Variants in MGAT4C observed in about 807,000 individuals in gnomAD.
MGAT4C encodes the protein alpha-1,3-mannosyl-glycoprotein 4-beta-N-acetylglucosaminyltransferase C.
MGAT4C carries 19 observed loss-of-function variants against 40.1 expected under a neutral mutation model. The observed-to-expected ratio is 0.47, with a 90% CI of 0.33 to 0.70. The LOEUF is 0.70. MGAT4C is among the 30% of genes least tolerant of loss of function. The pLI is 0.02. For missense variants in MGAT4C, 491 were observed against 563.2 expected, an observed-to-expected ratio of 0.87 and a Z score of 1.30; for synonymous variants, 181 against 187.1, an observed-to-expected ratio of 0.97 and a Z score of 0.27.
intron 2 of MGAT4C, among the ~76,000 whole-genome samples, chr12:86,489,549 A>G (rs1248899379): frequency 1.3e-5 from 2 of 152,210 alleles, no homozygotes; most frequent in African/African-American, 4.8e-5. Flanking sequence ...CAGACCTAAA[A>G]GAGCATTGTA....
chr12:86,822,809 T>C (rs79938355), intron 1 of MGAT4C, among the ~76,000 whole-genome samples: 3,087 of 151,212 alleles, frequency 0.02, 100 homozygotes, highest in African/African-American at 0.07. Flanking sequence ...ATCAACTAAC[T>C]GGACCTAACA....
intron 2 of MGAT4C, among the ~76,000 whole-genome samples, chr12:86,484,218 C>G (rs1957981400): frequency 6.6e-6 from 1 of 152,096 alleles, no homozygotes; most frequent in African/African-American, 2.4e-5. Context: ...CTTCTGTGTT[C>G]TGAGGTAGCT....
In MGAT4C at chr12:85,980,330, C is replaced by T. The variant is rs775693691; in HGVS notation, c.396G>A (p.Leu132=). ...SIFEQSSYEE[L]KEISVVVHLA... ...GGTGAACCACCACTGAAATTTCCTT[C>T]AGCTCTTCATAGCTGGATTGCTCAA... Residue 132 remains leucine, a synonymous_variant, in exon 5 of 5, where the codon CTG becomes CTA. Transcript: ENST00000611864. 1.2e-5 allele frequency: 20 copies of T among 1,613,928 alleles called. No homozygotes were observed. In the South Asian group the frequency reaches 2.0e-4, roughly 16 times the overall value.
At chr12:85,999,907 C>A (rs1221204470) in intron 2 of MGAT4C, among the ~76,000 whole-genome samples, 2 of 152,050 alleles carry the variant, frequency 1.3e-5, no homozygotes, top group African/African-American at 2.4e-5. Flanking sequence ...GGTACAGTTA[C>A]AATTAGACAG....
At chr12:86,624,365 C>G (rs1962733623) in intron 2 of MGAT4C, among the ~76,000 whole-genome samples, 2 of 152,092 alleles carry the variant, frequency 1.3e-5, no homozygotes, top group Non-Finnish European at 2.9e-5. Flanking sequence ...TTTTCACAAG[C>G]AGGAAGTAAT....
chr12:86,160,933 T>C (rs886657499), intron 1 of MGAT4C, among the ~76,000 whole-genome samples: 4 of 152,042 alleles, frequency 2.6e-5, no homozygotes, highest in Non-Finnish European at 5.9e-5. Context: ...ATGTATATCT[T>C]AATCTACTCT....
chr12:86,520,002 G>A (rs906253713), intron 2 of MGAT4C, among the ~76,000 whole-genome samples: 1 of 151,894 alleles, frequency 6.6e-6, no homozygotes, highest in African/African-American at 2.4e-5. Context: ...TTCCCCCAAT[G>A]TTTTTTTCTA....
chr12:86,601,795 AACAGGCTAAACACAC>A (rs1961792330), intron 2 of MGAT4C, among the ~76,000 whole-genome samples: 2 of 152,124 alleles, frequency 1.3e-5, no homozygotes, highest in Admixed American at 6.6e-5. Flanking sequence ...CTGTAACACA[AACAGGCTAAACACAC>A]ACACCCCACC....
At chr12:86,184,635 T>TC (rs1218957820) in intron 1 of MGAT4C, among the ~76,000 whole-genome samples, 4 of 83,760 alleles carry the variant, frequency 4.8e-5, no homozygotes, top group Non-Finnish European at 8.6e-5. Flanking sequence ...TTCTTTTTTT[T>TC]TCTCTTCCTT....
chr12:86,741,464 CTA>C (rs901221854), intron 1 of MGAT4C, among the ~76,000 whole-genome samples: 10 of 151,102 alleles, frequency 6.6e-5, no homozygotes, highest in African/African-American at 2.2e-4. Flanking sequence ...ATAACAGTAA[CTA>C]AACAAAAAAG....
At position 86,602,887 on chromosome 12, in the gene MGAT4C, T is replaced by C. The variant is rs779771767; in HGVS notation, c.-229+124322A>G. Among the ~76,000 whole-genome samples, 208 of 130,476 alleles carry C rather than the reference T, an allele frequency of 1.6e-3. 2 individuals are homozygous for C. Among genetic ancestry groups the C allele is most frequent in the Middle Eastern group, 4.0e-3 (1 of 252 alleles). 85.6% of individuals were successfully genotyped at this position (130,476 alleles called of 152,430 possible). A position where few individuals can be genotyped will look rare whatever the true frequency, so the allele number is the denominator to read the frequency against. ...TCTCAAACACCTGCCCATCTGCGTG[T>C]GTGTGTGTGTGTGTGTGTGTGTGTG... On this transcript the variant is annotated intron_variant, in intron 2 of 7. Transcript: ENST00000548651.
intron 3 of MGAT4C, among the ~76,000 whole-genome samples, chr12:86,417,023 C>T (rs2136251057): frequency 6.6e-6 from 1 of 152,156 alleles, no homozygotes; most frequent in Middle Eastern, 3.4e-3. Context: ...CAATACATTT[C>T]TATTTTTTTA....
At chr12:86,109,907 G>A (rs1426219841) in intron 1 of MGAT4C, among the ~76,000 whole-genome samples, 1 of 151,814 alleles carries the variant, frequency 6.6e-6, no homozygotes, top group Non-Finnish European at 1.5e-5. Context: ...GATATAACAG[G>A]AGAATCTAAA....
At chr12:86,359,400 C>T (rs1955401065) in intron 3 of MGAT4C, among the ~76,000 whole-genome samples, 1 of 151,982 alleles carries the variant, frequency 6.6e-6, no homozygotes, top group African/African-American at 2.4e-5. Context: ...GACACCCTAA[C>T]ATCACAATTA....
At chr12:86,833,222 T>A (rs1191733090) in intron 1 of MGAT4C, among the ~76,000 whole-genome samples, 2 of 151,906 alleles carry the variant, frequency 1.3e-5, no homozygotes, top group Non-Finnish European at 2.9e-5. Context: ...TAGGAGAGGA[T>A]AAATTATGTT....
chr12:86,251,131 G>GTTT (rs5799770), intron 1 of MGAT4C, among the ~76,000 whole-genome samples: 6 of 138,104 alleles, frequency 4.3e-5, no homozygotes, highest in African/African-American at 7.9e-5. Context: ...TTTATTTCCC[G>GTTT]TTTTTTTTTT....
chr12:86,422,160 T>C (rs1036766176), intron 3 of MGAT4C, among the ~76,000 whole-genome samples: 3 of 152,190 alleles, frequency 2.0e-5, no homozygotes, highest in African/African-American at 7.2e-5. Context: ...AGCATTAATA[T>C]GAAATATTCA....
intron 4 of MGAT4C, among the ~76,000 whole-genome samples, chr12:86,284,515 A>G (rs1415352126): frequency 6.6e-6 from 1 of 151,932 alleles, no homozygotes; most frequent in Admixed American, 6.6e-5. Flanking sequence ...AACAAATCAT[A>G]TATCCCTGGT....
At chr12:86,018,458 T>C (rs768343896) in intron 2 of MGAT4C, among the ~76,000 whole-genome samples, 22 of 152,180 alleles carry the variant, frequency 1.4e-4, no homozygotes, top group Non-Finnish European at 2.9e-4. Flanking sequence ...CTTGCTTTTT[T>C]AAATGCTTGT....
Sources: allele counts gnomAD v4.1 joint callset (sites outside exome capture counted in the v4.1 genomes callset), GRCh38; gene constraint gnomAD v4.1.1; transcripts MANE v1.5; gene names NCBI Gene and HGNC (gene_info 2026-07-23, HGNC 2026-07-21).